AKIRIN1: variants seen among roughly 807,000 people sequenced by gnomAD.
The protein encoded by AKIRIN1 is akirin 1, also known as akirin-1.
Under a neutral mutation model 25.9 loss-of-function variants are expected in AKIRIN1, and 4 were observed. The observed-to-expected ratio is 0.15, with a 90% CI of 0.08 to 0.35. The LOEUF (loss-of-function observed/expected upper bound fraction) is 0.35. AKIRIN1 is among the 10% of genes least tolerant of loss of function. The probability of loss-of-function intolerance (pLI) is 1.00; values close to 1 mark genes in which losing one functional copy is unlikely to be tolerated. For synonymous variants in AKIRIN1, 125 were observed against 105.1 expected (o/e 1.19, Z -1.16); for missense variants, 243 against 266.1 (o/e 0.91, Z 0.61).
At chr1:38,993,618 C>CG (rs1421730484) in intron 1 of AKIRIN1, among the ~76,000 whole-genome samples, 2 of 132,442 alleles carry the variant, frequency 1.5e-5, no homozygotes, top group African/African-American at 5.5e-5. Context: ...GCCACAAGAG[C>CG]GAAACTCCAT....
Position 38,998,046 on chromosome 1 carries a change from G to T in AKIRIN1, c.221-125G>T, listed in dbSNP as rs528088449. On this transcript the variant is annotated intron_variant, in intron 1 of 4. Coordinates refer to ENST00000432648, the MANE Select transcript of AKIRIN1 (RefSeq NM_024595.3). ...TTATGTCGGGGGAGGGGGAGATTGA[G>T]ACCTACATGCCAAAGGGAGTATCTA... is the stretch of plus-strand genomic sequence containing the variant. 22 of 1,053,634 alleles carry T rather than the reference G, an allele frequency of 2.1e-5. No homozygotes were observed. In the South Asian group the frequency reaches 3.5e-4, roughly 17 times the overall value. The allele number at this position is 1,053,634 out of a possible 1,614,324, so 65.3% of individuals were successfully genotyped here.
chr1:38,996,687 G>T (rs905849737), intron 1 of AKIRIN1, among the ~76,000 whole-genome samples: 2 of 151,928 alleles, frequency 1.3e-5, no homozygotes, highest in Admixed American at 6.6e-5. Flanking sequence ...GTGCCACCAC[G>T]CCTGGCTAAA....
intron 1 of AKIRIN1, among the ~76,000 whole-genome samples, chr1:38,994,380 C>T (rs1249014541): frequency 6.6e-6 from 1 of 152,104 alleles, no homozygotes; most frequent in Non-Finnish European, 1.5e-5. Context: ...TAGGTGAATT[C>T]CAGACATGGA....
chr1:38,992,947 G>T (rs567605413), intron 1 of AKIRIN1, among the ~76,000 whole-genome samples: 9 of 152,290 alleles, frequency 5.9e-5, no homozygotes, highest in African/African-American at 2.2e-4. Flanking sequence ...TGTACAGGAT[G>T]AGATAATGTT....
At chr1:38,996,551 C>T (rs1643949925) in intron 1 of AKIRIN1, among the ~76,000 whole-genome samples, 1 of 148,156 alleles carries the variant, frequency 6.7e-6, no homozygotes, top group South Asian at 2.1e-4. Flanking sequence ...TTTTTTGAGG[C>T]AGAGTCTTGA....
At chr1:39,002,456 C>T (rs1464942863) in intron 3 of AKIRIN1, among the ~76,000 whole-genome samples, 1 of 152,140 alleles carries the variant, frequency 6.6e-6, no homozygotes, top group Non-Finnish European at 1.5e-5. Context: ...CTAGGCCGGG[C>T]GCAGTGGCTC....
intron 1 of AKIRIN1, among the ~76,000 whole-genome samples, chr1:38,992,184 C>T (rs1362835070): frequency 1.3e-5 from 2 of 152,144 alleles, no homozygotes; most frequent in Non-Finnish European, 2.9e-5. Context: ...GCTATTGCCT[C>T]GTACCATATA....
intron 2 of AKIRIN1, among the ~76,000 whole-genome samples, chr1:38,999,762 C>T (rs558802862): frequency 6.6e-6 from 1 of 152,342 alleles, no homozygotes; most frequent in South Asian, 2.1e-4. Context: ...TGTTAAATGG[C>T]TTACTGGCTA....
chr1:39,003,280 C>T, intron 3 of AKIRIN1, 67 bp from the exon 4 acceptor site: 1 of 1,474,898 alleles, frequency 6.8e-7, no homozygotes, highest in East Asian at 2.3e-5. Context: ...TATTTGTGAT[C>T]CTGACGCTTG....
chr1:39,004,284 A>C lies in AKIRIN1; in HGVS notation c.*229A>C, dbSNP rs1377034980. On this transcript the variant is annotated 3_prime_UTR_variant, in exon 5 of 5. Transcript: ENST00000432648. ...ATAAACAGCTGTGCCCTACTGTGAT[A>C]GATTTTCCAAACAAAAATACCTGGA... 30 of 675,902 alleles carry C rather than the reference A, an allele frequency of 4.4e-5. No homozygotes were observed. The highest frequency in any genetic ancestry group is 7.5e-5 in the Non-Finnish European group (28 of 371,902). The allele number at this position is 675,902 out of a possible 1,614,324, so 41.9% of individuals were successfully genotyped here.
intron 1 of AKIRIN1, among the ~76,000 whole-genome samples, chr1:38,996,452 C>T (rs949441357): frequency 7.1e-6 from 1 of 141,678 alleles, no homozygotes; most frequent in African/African-American, 2.5e-5. Context: ...GATCCTCCCA[C>T]CTTGGCCTTC....
chr1:38,996,252 G>A (rs1470441293), intron 1 of AKIRIN1, among the ~76,000 whole-genome samples: 1 of 151,898 alleles, frequency 6.6e-6, no homozygotes, highest in Non-Finnish European at 1.5e-5. Flanking sequence ...GCACCACCAT[G>A]CCCAGCTAAT....
rs546514050 is a variant in AKIRIN1 at position 39,004,493 on chromosome 1, G to A, written c.*438G>A. ...GATTCTGGCTGTGAATTTGGTGCAC[G>A]ACAATTATGGTAAAAAAACATTTGC... On this transcript the variant is annotated 3_prime_UTR_variant, in exon 5 of 5. Transcript: ENST00000432648. 1.8e-5 allele frequency: 5 copies of A among 278,204 alleles called. No individual in the cohort carries two copies. Among genetic ancestry groups the A allele is most frequent in the East Asian group, 9.9e-5 (1 of 10,094 alleles). 17.2% of individuals were successfully genotyped at this position (278,204 alleles called of 1,614,324 possible).
At chr1:39,000,876 A>T in intron 2 of AKIRIN1, 96 bp from the exon 3 acceptor site, 1 of 1,363,958 alleles carries the variant, frequency 7.3e-7, no homozygotes, top group Non-Finnish European at 9.9e-7. Context: ...GCTGGTCTCC[A>T]CCTCAGATGA....
At chr1:38,999,898 G>GT (rs1375910434) in intron 2 of AKIRIN1, among the ~76,000 whole-genome samples, 29 of 151,296 alleles carry the variant, frequency 1.9e-4, no homozygotes, top group Admixed American at 2.6e-4. Flanking sequence ...GTTTTTTTGG[G>GT]TTTTTCTTGA....
intron 1 of AKIRIN1, 60 bp downstream of exon 1, chr1:38,991,660 TG>T: frequency 1.0e-5 from 1 of 99,206 alleles, no homozygotes; most frequent in Non-Finnish European, 1.6e-5. Context: ...TTGGGGGGGG[TG>T]GTGGGGGAGG....
chr1:38,996,632 A>G (rs1231583202), intron 1 of AKIRIN1, among the ~76,000 whole-genome samples: 1 of 151,580 alleles, frequency 6.6e-6, no homozygotes, highest in Non-Finnish European at 1.5e-5. Flanking sequence ...CCGGTTCAAG[A>G]GATTCTCCTG....
At chr1:38,992,661 A>G (rs1050977037) in intron 1 of AKIRIN1, among the ~76,000 whole-genome samples, 3 of 152,058 alleles carry the variant, frequency 2.0e-5, no homozygotes. Context: ...CAGACTTCAT[A>G]TCCTTAACTC....
At chr1:38,999,829 G>GGCT (rs1331768719) in intron 2 of AKIRIN1, among the ~76,000 whole-genome samples, 1 of 152,110 alleles carries the variant, frequency 6.6e-6, no homozygotes, top group East Asian at 1.9e-4. Context: ...CTGAGAACAG[G>GGCT]GCTGCTGCCC....
Sources: allele counts gnomAD v4.1 joint callset (sites outside exome capture counted in the v4.1 genomes callset), GRCh38; gene constraint gnomAD v4.1.1; transcripts MANE v1.5; gene names NCBI Gene and HGNC (gene_info 2026-07-23, HGNC 2026-07-21).